WDR90: variants seen among roughly 807,000 people sequenced by gnomAD.
The protein encoded by WDR90 is WD repeat domain 90.
A neutral mutation model predicts 195.2 loss-of-function variants in WDR90; 238 were observed. That is an observed-to-expected ratio of 1.22 (90% CI 1.10 to 1.36). WDR90 has a LOEUF of 1.36. WDR90 is among the 40% of genes most tolerant of loss of function. The pLI, the probability that WDR90 is intolerant of heterozygous loss-of-function variation, is 0.00. For missense variants in WDR90, 2,734 were observed against 2,439.5 expected (o/e 1.12, Z -2.54); for synonymous variants, 1,265 against 1,052.4 (o/e 1.20, Z -3.91).
chr16:650,109 T>A lies in WDR90; in HGVS notation c.221T>A (p.Val74Glu), dbSNP rs779875981. The change falls in exon 3 of 41, where the codon GTG becomes GAG. Residue 74 changes from valine to glutamate, a missense_variant. Physicochemically the swap from Val to Glu is moderately radical, Grantham distance 121. Coordinates refer to ENST00000293879, the MANE Select transcript of WDR90 (RefSeq NM_145294.5). ...GGGCTGACGGGACGATACCTGTATG[T>A]GCTCTTTCGGCCCCTGCCCAGCAAG... ...SLGLTGRYLY[V>E]LFRPLPSKHF... 6.2e-7 allele frequency: 1 copy of A among 1,613,112 alleles called. No homozygotes were observed. Among genetic ancestry groups the A allele is most frequent in the Non-Finnish European group, 8.5e-7 (1 of 1,179,958 alleles).
chr16:666,932 T>G lies in WDR90; in HGVS notation c.5032T>G (p.Phe1678Val). Residue 1678 changes from phenylalanine to valine, a missense_variant, in exon 40 of 41, where the codon TTT becomes GTT. Coordinates refer to ENST00000293879, the MANE Select transcript of WDR90 (RefSeq NM_145294.5). Reference sequence around the variant, plus strand: ...GGTGGAGAAGATACCACTGCCCTTTTTTGCCATGTCCCTGAGCCTGTCCCC... The same window carrying G: ...GGTGGAGAAGATACCACTGCCCTTTGTTGCCATGTCCCTGAGCCTGTCCCC... ...QVVEKIPLPF[F>V]AMSLSLSPGT... 6.2e-7 allele frequency: 1 copy of G among 1,613,046 alleles called. No individual in the cohort carries two copies. The highest frequency in any genetic ancestry group is 8.5e-7 in the Non-Finnish European group (1 of 1,179,728).
rs558972957 is a variant in WDR90 at position 658,798 on chromosome 16, G to T, written c.2896-98G>T. The T allele has an allele frequency of 9.6e-6, 15 of 1,564,452 alleles. No individual in the cohort carries two copies. The African/African-American group carries it at 1.6e-4, about 17-fold the overall frequency. ...CCCAAGGATCCTCTGTGCCTCCGGG[G>T]CCTCACACTGTGTGGGGCTCACCGT... On this transcript the variant is annotated intron_variant, in intron 23 of 40. Coordinates refer to ENST00000293879, the MANE Select transcript of WDR90 (RefSeq NM_145294.5).
chr16:651,901 C>A lies in WDR90; in HGVS notation c.915C>A (p.Asn305Lys), dbSNP rs753908879. 4.3e-6 allele frequency: 7 copies of A among 1,611,230 alleles called. No individual in the cohort carries two copies. The South Asian group carries it at 6.6e-5, about 15-fold the overall frequency. Residue 305 changes from asparagine to lysine, a missense_variant, in exon 9 of 41, where the codon AAC becomes AAA. Transcript: ENST00000293879. ...CCCAAGAGCGCTCAGACGCCTCCAA[C>A]GCGGATGGCCCCGGTTTCCATAGCC... ...SLSQERSDAS[N>K]ADGPGFHSLE... is the part of the protein sequence containing the mutation.
chr16:656,566 G>A (rs557777454), intron 18 of WDR90, 29 bp downstream of exon 18: 2 of 1,560,232 alleles, frequency 1.3e-6, no homozygotes, highest in African/African-American at 1.4e-5. Context: ...AGCACGGCAG[G>A]GAGGGCCGGG....
rs2038049899 is a variant in WDR90, at chr16:666,439, C to T, written c.4741-16C>T. 1 of 1,609,296 alleles carries T rather than the reference C, an allele frequency of 6.2e-7. No individual in the cohort carries two copies. Among genetic ancestry groups the T allele is most frequent in the Non-Finnish European group, 8.5e-7 (1 of 1,177,444 alleles). On this transcript the variant is annotated splice_polypyrimidine_tract_variant and intron_variant, in intron 37 of 40. Transcript: ENST00000293879. ...GGCAGAAGGCACCTGTCGGCCCTCA[C>T]CCACTCCATTCCCAGTGTGAAGACT... is the stretch of plus-strand genomic sequence containing the variant.
rs747232220 is a variant in WDR90 at position 655,401 on chromosome 16, C to T, written c.1651C>T (p.Leu551=). The T allele has an allele frequency of 2.5e-6, 4 of 1,593,908 alleles. No homozygotes were observed. Among genetic ancestry groups the T allele is most frequent in the South Asian group, 1.1e-5 (1 of 90,004 alleles). ...CGTGGACTTAGGGGAGCACCACGCG[C>T]TGCAGTTCACCGACCTGGCCTTCAA... ...CPVDLGEHHA[L]QFTDLAFKQA... Residue 551 remains leucine, a synonymous_variant, in exon 15 of 41, where the codon CTG becomes TTG. Transcript: ENST00000293879.
intron 21 of WDR90, 117 bp from the exon 22 acceptor site, chr16:658,066 C>G: frequency 1.1e-5 from 16 of 1,472,734 alleles, no homozygotes; most frequent in Non-Finnish European, 1.4e-5. Context: ...CTGTGCAGGG[C>G]AGGTGCTGCC....
chr16:655,991 T>A lies in WDR90; in HGVS notation c.1966+102T>A, dbSNP rs1223925980. The A allele has an allele frequency of 3.0e-6, 4 of 1,343,458 alleles. No homozygotes were observed. The African/African-American group carries it at 6.9e-5, about 23-fold the overall frequency. 83.2% of individuals were successfully genotyped at this position (1,343,458 alleles called of 1,614,324 possible). Reference sequence around the variant, plus strand: ...GGGCTCTGCTGTCAGCCGCCCTGGCTCCTGGCTGCACAGGGTGCCACGGGG... The same window carrying A: ...GGGCTCTGCTGTCAGCCGCCCTGGCACCTGGCTGCACAGGGTGCCACGGGG... On this transcript the variant is annotated intron_variant, in intron 17 of 40. Transcript: ENST00000293879.
In WDR90 at chr16:655,099, C is replaced by G; in HGVS notation, c.1508C>G (p.Thr503Ser). Residue 503 changes from threonine (T) to serine (S), a missense_variant, in exon 14 of 41, where the codon ACT becomes AGT. Transcript: ENST00000293879. ...GTGGTCGTTCTGGCAAAGGCGCACA[C>G]TGACTTTGACGTCCAGGCCTTCCGG... ...GEVVVLAKAHTDFDVQAFRVT... is the reference protein window; with the variant it reads ...GEVVVLAKAHSDFDVQAFRVT... 6.2e-7 allele frequency: 1 copy of G among 1,612,846 alleles called. No homozygotes were observed. Among genetic ancestry groups the G allele is most frequent in the East Asian group, 2.2e-5 (1 of 44,868 alleles).
Position 659,113 on chromosome 16 carries a change from A to G in WDR90, c.3039A>G (p.Pro1013=), listed in dbSNP as rs2037833714. 1.9e-6 allele frequency: 3 copies of G among 1,611,992 alleles called. No homozygotes were observed. Among genetic ancestry groups the G allele is most frequent in the South Asian group, 1.1e-5 (1 of 91,054 alleles). ...ACCAAAGCTTCCCCGGGGCCCCCCC[A>G]GCCTGCAAGACAGGTGAGTGGCTGT... ...ESDQSFPGAP[P]ACKTGPGAGP... is the part of the protein sequence containing the mutation. Residue 1013 remains proline (P), a synonymous_variant, in exon 25 of 41, where the codon CCA becomes CCG. Coordinates refer to ENST00000293879, the MANE Select transcript of WDR90 (RefSeq NM_145294.5).
intron 14 of WDR90, 52 bp downstream of exon 14, chr16:655,199 G>T (rs778281009): frequency 6.2e-7 from 1 of 1,612,072 alleles, no homozygotes; most frequent in East Asian, 2.2e-5. Flanking sequence ...GCCCGGAGTG[G>T]GGGCCGAGGC....
rs1250926843 is a variant in WDR90, at chr16:655,815, T to C, written c.1892T>C (p.Met631Thr). Reference sequence around the variant, plus strand: ...AGCAGCCTCAGCGTCTCCCCGGCCATGTGTGCTGTGGGCTCTGAGGACGGC... The same window carrying C: ...AGCAGCCTCAGCGTCTCCCCGGCCACGTGTGCTGTGGGCTCTGAGGACGGC... The part of the protein sequence containing the change: ...AISSLSVSPA[M>T]CAVGSEDGFL... Residue 631 changes from methionine to threonine, a missense_variant, in exon 17 of 41, where the codon ATG becomes ACG. Transcript: ENST00000293879. 3.8e-6 allele frequency: 6 copies of C among 1,595,106 alleles called. No homozygotes were observed. Among genetic ancestry groups the C allele is most frequent in the East Asian group, 2.3e-5 (1 of 44,074 alleles).
At chr16:649,091 G>T, upstream of WDR90, 1 of 315,790 alleles carries the variant, frequency 3.2e-6, no homozygotes, top group Non-Finnish European at 5.8e-6. Flanking sequence ...TGCGGCGGGA[G>T]CCCCGGCCGG....
rs1468024606 is a variant in WDR90, at chr16:661,610, C to T, written c.3687C>T (p.Gly1229=). ...TGTCCTTCCCAGGGGACCACGATGG[C>T]CGCACCCTCGCCCTGTGGGGCACGG... is the stretch of plus-strand genomic sequence containing the variant. ...RLLVTLGDHD[G]RTLALWGTAT... Residue 1229 remains glycine, a synonymous_variant, in exon 31 of 41, where the codon GGC becomes GGT. Transcript: ENST00000293879. 1.9e-6 allele frequency: 3 copies of T among 1,591,732 alleles called. No homozygotes were observed. The highest frequency in any genetic ancestry group is 2.6e-6 in the Non-Finnish European group (3 of 1,167,676).
At chr16:666,377 A>AGG (rs1567224840) in intron 37 of WDR90, 27 bp downstream of exon 37, 1 of 1,611,540 alleles carries the variant, frequency 6.2e-7, no homozygotes, top group Non-Finnish European at 8.5e-7. Context: ...AGCTGGGGAG[A>AGG]GGGGGCCTGG....
intron 1 of WDR90, 55 bp from the exon 2 acceptor site, chr16:649,708 G>A (rs544940495): frequency 6.6e-7 from 1 of 1,510,266 alleles, no homozygotes; most frequent in Non-Finnish European, 8.9e-7. Context: ...CAGCCCCGCA[G>A]TGGCCCCGGC....
At chr16:660,989 G>GCACCCCCCCC in intron 28 of WDR90, 62 bp from the exon 29 acceptor site, 1 of 24,684 alleles carries the variant, frequency 4.1e-5, no homozygotes, top group East Asian at 1.2e-3. Flanking sequence ...CCCCTCCCCA[G>GCACCCCCCCC]GCCCCTCCCC....
At chr16:649,358 G>A (rs1596456795), upstream of WDR90, 3 of 1,322,838 alleles carry the variant, frequency 2.3e-6, no homozygotes, top group Non-Finnish European at 2.9e-6. Context: ...CTGGCGTCGC[G>A]GGGCGTACTC....
At position 659,379 on chromosome 16, in the gene WDR90, G is replaced by A. The variant is rs755474319; in HGVS notation, c.3184+3G>A. On this transcript the variant is annotated splice_donor_region_variant and intron_variant, in intron 26 of 40. Transcript: ENST00000293879. ...CAGGCCTCCCGAAGGTGGCGATGGT[G>A]AGCAGCAGGGGTCCTGGAGGAGTGG... 2.5e-6 allele frequency: 4 copies of A among 1,589,878 alleles called. No individual in the cohort carries two copies. Among genetic ancestry groups the A allele is most frequent in the Non-Finnish European group, 2.6e-6 (3 of 1,169,414 alleles).
Sources: allele counts gnomAD v4.1 joint callset, GRCh38; gene constraint gnomAD v4.1.1; transcripts MANE v1.5; gene names NCBI Gene and HGNC (gene_info 2026-07-23, HGNC 2026-07-21).